PIK3C2G: variants seen among roughly 807,000 people sequenced by gnomAD.
The protein encoded by PIK3C2G is phosphatidylinositol-4-phosphate 3-kinase catalytic subunit type 2 gamma.
PIK3C2G carries 168 observed loss-of-function variants against 181.1 expected under a neutral mutation model. That is an observed-to-expected ratio of 0.93 (90% CI 0.82 to 1.05). The LOEUF (loss-of-function observed/expected upper bound fraction) is 1.05. PIK3C2G is among the 50% of genes least tolerant of loss of function. The probability of loss-of-function intolerance (pLI) is 0.00; values close to 1 mark genes in which losing one functional copy is unlikely to be tolerated. For missense variants in PIK3C2G, 1,869 were observed against 1,732.8 expected (o/e 1.08, Z -1.40); for synonymous variants, 573 against 592.2 (o/e 0.97, Z 0.47).
Position 18,546,340 on chromosome 12 carries a change from G to C in PIK3C2G, c.3498G>C (p.Leu1166=). 1 of 1,591,478 alleles carries C rather than the reference G, an allele frequency of 6.3e-7. No homozygotes were observed. Among genetic ancestry groups the C allele is most frequent in the Non-Finnish European group, 8.6e-7 (1 of 1,165,266 alleles). ...TGGTTAAGATGCTGTATGCAGGACT[G>C]CCTGAGCTAAGTGGAATTCAAGACC... ...NLLEMMLYAG[L]PELSGIQDLK... is the part of the protein sequence containing the mutation. Residue 1166 remains leucine (L), a synonymous_variant, in exon 26 of 33, where the codon CTG becomes CTC. Transcript: ENST00000538779.
At chr12:18,473,385 T>C (rs1220836194) in intron 18 of PIK3C2G, among the ~76,000 whole-genome samples, 8 of 152,204 alleles carry the variant, frequency 5.3e-5, no homozygotes, top group Non-Finnish European at 2.9e-5. Flanking sequence ...TGATAGCACA[T>C]GTGTCTTATC....
chr12:18,572,986 G>T (rs1946047276), intron 29 of PIK3C2G, among the ~76,000 whole-genome samples: 2 of 151,874 alleles, frequency 1.3e-5, no homozygotes, highest in African/African-American at 4.8e-5. Flanking sequence ...TATTATATCT[G>T]CAAATAGTAA....
At chr12:18,297,997 G>T (rs1206077905) in intron 5 of PIK3C2G, among the ~76,000 whole-genome samples, 2 of 151,854 alleles carry the variant, frequency 1.3e-5, no homozygotes, top group African/African-American at 2.4e-5. Context: ...GGAGGTGCAG[G>T]TATCCCTTTG....
At chr12:18,244,766 A>C (rs756968405), upstream of PIK3C2G, among the ~76,000 whole-genome samples, 1 of 152,080 alleles carries the variant, frequency 6.6e-6, no homozygotes, top group Non-Finnish European at 1.5e-5. Context: ...TTTTCTAACA[A>C]TGAACATTAA....
intron 30 of PIK3C2G, among the ~76,000 whole-genome samples, chr12:18,601,870 G>A (rs1339453976): frequency 6.6e-6 from 1 of 152,108 alleles, no homozygotes; most frequent in African/African-American, 2.4e-5. Flanking sequence ...GGTAGAGGAA[G>A]CAGCAGAAAG....
intron 29 of PIK3C2G, among the ~76,000 whole-genome samples, chr12:18,579,794 C>G (rs1946404907): frequency 6.6e-6 from 1 of 151,944 alleles, no homozygotes; most frequent in South Asian, 2.1e-4. Flanking sequence ...AAATTTTGCT[C>G]TGTTTTGGTG....
intron 13 of PIK3C2G, among the ~76,000 whole-genome samples, chr12:18,379,899 G>A (rs77657884): frequency 0.014 from 2,115 of 152,188 alleles, 51 homozygotes; most frequent in African/African-American, 0.048. Flanking sequence ...TCTCCCTCTC[G>A]AAAATCTTTA....
intron 29 of PIK3C2G, among the ~76,000 whole-genome samples, chr12:18,592,970 A>G (rs79750292): frequency 0.016 from 2,397 of 152,022 alleles, 26 homozygotes; most frequent in Non-Finnish European, 0.025. Context: ...TGGAAGCTAA[A>G]AGTCTGATAT....
chr12:18,587,095 A>G (rs1468440983), intron 29 of PIK3C2G, among the ~76,000 whole-genome samples: 2 of 152,158 alleles, frequency 1.3e-5, no homozygotes, highest in Non-Finnish European at 2.9e-5. Context: ...CCCACAGCCA[A>G]CATCATACTG....
chr12:18,570,397 C>G (rs1276770514), intron 29 of PIK3C2G, among the ~76,000 whole-genome samples: 1 of 148,236 alleles, frequency 6.7e-6, no homozygotes. Flanking sequence ...TTAATAGAGA[C>G]GGGGTTTTGC....
the PIK3C2G span, among the ~76,000 whole-genome samples, chr12:18,668,621 G>A: frequency 5.3e-5 from 8 of 152,250 alleles, no homozygotes; most frequent in South Asian, 1.7e-3. Context: ...CCCTGGGGAA[G>A]CCCACAGATC....
intron 22 of PIK3C2G, among the ~76,000 whole-genome samples, chr12:18,499,595 CT>C (rs1941263395): frequency 6.6e-6 from 1 of 152,308 alleles, no homozygotes; most frequent in African/African-American, 2.4e-5. Flanking sequence ...GGTCCCCCAA[CT>C]TTGATGAACA....
In PIK3C2G at chr12:18,562,743, A is replaced by T. The variant is rs1264483230; in HGVS notation, c.3631A>T (p.Asn1211Tyr). The T allele has an allele frequency of 6.2e-7, 1 of 1,606,212 alleles. No individual in the cohort carries two copies. The highest frequency in any genetic ancestry group is 1.7e-5 in the Admixed American group (1 of 59,048). ...TCTGGAGTGTTTCCCTGTTAAATTG[A>T]ATAACTTGATCCACACACTTGCACA... ...ESLECFPVKL[N>Y]NLIHTLAQMS... The change falls in exon 27 of 33, where the codon AAT becomes TAT. Residue 1211 changes from asparagine to tyrosine, a missense_variant. Coordinates refer to ENST00000538779, the MANE Select transcript of PIK3C2G (RefSeq NM_001288772.2).
rs767127006 is a variant in PIK3C2G, at chr12:18,647,967, G to A, written c.4400G>A (p.Arg1467Gln). Reference sequence around the variant, plus strand: ...GTATTTGTGGGAGCAATTAACATCCGACTCTGTAGTGTCCCACTCGATAAA... The same window carrying A: ...GTATTTGTGGGAGCAATTAACATCCAACTCTGTAGTGTCCCACTCGATAAA... ...KTVFVGAINI[R>Q]LCSVPLDKEK... The change falls in exon 33 of 33, where the codon CGA becomes CAA. Residue 1467 changes from arginine (R) to glutamine (Q), a missense_variant. Physicochemically the swap from Arg to Gln is conservative, Grantham distance 43 (BLOSUM62 1). Coordinates refer to ENST00000538779, the MANE Select transcript of PIK3C2G (RefSeq NM_001288772.2). 1.0e-5 allele frequency: 16 copies of A among 1,601,612 alleles called. No homozygotes were observed. The highest frequency in any genetic ancestry group is 2.2e-5 in the South Asian group (2 of 89,550).
At chr12:18,644,545 A>C (rs948012748) in intron 32 of PIK3C2G, among the ~76,000 whole-genome samples, 2 of 152,192 alleles carry the variant, frequency 1.3e-5, no homozygotes, top group African/African-American at 4.8e-5. Flanking sequence ...CATCCCTTAA[A>C]ATCTCCTGCA....
chr12:18,465,617 T>C (rs1236559417), intron 18 of PIK3C2G, among the ~76,000 whole-genome samples: 1 of 151,870 alleles, frequency 6.6e-6, no homozygotes, highest in Non-Finnish European at 1.5e-5. Flanking sequence ...TTTGGAGATA[T>C]TCTATGATCT....
intron 12 of PIK3C2G, among the ~76,000 whole-genome samples, chr12:18,368,105 G>C (rs1316019088): frequency 6.6e-6 from 1 of 152,086 alleles, no homozygotes; most frequent in African/African-American, 2.4e-5. Context: ...CCTCCTCCCA[G>C]GTGCCTCTCT....
At chr12:18,446,976 A>G (rs1947064358) in intron 18 of PIK3C2G, among the ~76,000 whole-genome samples, 1 of 152,198 alleles carries the variant, frequency 6.6e-6, no homozygotes, top group African/African-American at 2.4e-5. Context: ...TTTATTTAGA[A>G]GAGATGAAAA....
chr12:18,620,993 G>A (rs975513245), intron 31 of PIK3C2G, among the ~76,000 whole-genome samples: 11 of 151,984 alleles, frequency 7.2e-5, no homozygotes, highest in African/African-American at 1.2e-4. Context: ...AAATTAGTAA[G>A]TTCTTCTTTT....
Sources: allele counts gnomAD v4.1 joint callset (sites outside exome capture counted in the v4.1 genomes callset), GRCh38; gene constraint gnomAD v4.1.1; transcripts MANE v1.5; gene names NCBI Gene and HGNC (gene_info 2026-07-23, HGNC 2026-07-21).